Variants in ACCSL observed in about 807,000 individuals in gnomAD.
ACCSL encodes the protein 1-aminocyclopropane-1-carboxylate synthase homolog (inactive) like.
Under a neutral mutation model 61.7 loss-of-function variants are expected in ACCSL, and 55 were observed. The observed-to-expected ratio is 0.89, with a 90% confidence interval of 0.72 to 1.12. The LOEUF is 1.12. Among genes scored for constraint, ACCSL ranks in the 50% most tolerant of loss-of-function variants. The pLI is 0.00. For missense variants in ACCSL, 632 were observed against 698.0 expected, an observed-to-expected ratio of 0.91 and a Z score of 1.07; for synonymous variants, 258 against 264.3, an observed-to-expected ratio of 0.98 and a Z score of 0.23.
At chr11:43,954,786 C>T in the ACCSL span, among the ~76,000 whole-genome samples, 3 of 151,962 alleles carry the variant, frequency 2.0e-5, no homozygotes, top group African/African-American at 7.2e-5. Context: ...GGTTTCTCCA[C>T]GTTGGTCAGG....
Position 44,052,650 on chromosome 11 carries a change from C to T in ACCSL, c.773-12C>T. On this transcript the variant is annotated splice_polypyrimidine_tract_variant and intron_variant, in intron 5 of 13. Coordinates refer to ENST00000378832, the MANE Select transcript of ACCSL (RefSeq NM_001031854.2). ...ACTTTGGACTGATAGCTCTGTCTCT[C>T]TGTGTTTCCAGAGGCCTTCCTGGTC... The T allele has an allele frequency of 6.2e-7, 1 of 1,611,064 alleles. No homozygotes were observed. Among genetic ancestry groups the T allele is most frequent in the East Asian group, 2.2e-5 (1 of 44,858 alleles).
chr11:44,013,347 T>A, the ACCSL span, among the ~76,000 whole-genome samples: 3 of 152,312 alleles, frequency 2.0e-5, no homozygotes, highest in African/African-American at 7.2e-5. Context: ...TGGCGCAATC[T>A]CGGCTCGCTG....
At chr11:44,001,562 CAG>C in the ACCSL span, among the ~76,000 whole-genome samples, 600 of 152,072 alleles carry the variant, frequency 3.9e-3, 1 homozygote, top group Non-Finnish European at 5.2e-3. Context: ...TTGTCGGGGG[CAG>C]AGTCTGGCCT....
chr11:44,051,224 T>G, intron 3 of ACCSL, 111 bp from the exon 4 acceptor site: 86 of 1,034,186 alleles, frequency 8.3e-5, no homozygotes, highest in Non-Finnish European at 1.2e-4. Context: ...CCCTGTAATA[T>G]GAGGTTGGAC....
the ACCSL span, among the ~76,000 whole-genome samples, chr11:43,998,180 G>A: frequency 3.3e-5 from 5 of 152,162 alleles, no homozygotes; most frequent in African/African-American, 1.2e-4. Context: ...GGTGTGTAAA[G>A]CGTTCAGCCA....
the ACCSL span, among the ~76,000 whole-genome samples, chr11:43,985,627 C>T: frequency 1.0e-2 from 1,518 of 152,326 alleles, 27 homozygotes; most frequent in African/African-American, 0.035. Context: ...AGTCTCTGCC[C>T]TTGAGGGGCA....
the ACCSL span, among the ~76,000 whole-genome samples, chr11:43,933,904 G>A: frequency 6.6e-6 from 1 of 152,144 alleles, no homozygotes; most frequent in Non-Finnish European, 1.5e-5. Flanking sequence ...GACCAGCCCT[G>A]CCATGGCAGC....
intron 3 of ACCSL, among the ~76,000 whole-genome samples, chr11:44,050,868 G>T (rs985975602): frequency 7.0e-6 from 1 of 142,252 alleles, no homozygotes; most frequent in African/African-American, 2.7e-5. Flanking sequence ...TTGAGATGGA[G>T]TCTCACTCTG....
chr11:44,026,791 A>G, the ACCSL span, among the ~76,000 whole-genome samples: 7 of 151,718 alleles, frequency 4.6e-5, no homozygotes, highest in Non-Finnish European at 8.8e-5. Context: ...GTGCAATGGT[A>G]TGATCTCAAC....
At chr11:43,986,975 C>T in the ACCSL span, among the ~76,000 whole-genome samples, 4 of 152,158 alleles carry the variant, frequency 2.6e-5, no homozygotes, top group Admixed American at 6.5e-5. Context: ...CAGTGTGATT[C>T]CAGGACTCTG....
At chr11:43,973,458 CTA>C in the ACCSL span, among the ~76,000 whole-genome samples, 6 of 125,666 alleles carry the variant, frequency 4.8e-5, no homozygotes, top group South Asian at 1.0e-3. Context: ...ATCTATCTAT[CTA>C]TCTCCTGGAA....
the ACCSL span, among the ~76,000 whole-genome samples, chr11:43,954,744 C>T: frequency 6.6e-6 from 1 of 152,036 alleles, no homozygotes; most frequent in Non-Finnish European, 1.5e-5. Context: ...GCCACCACAC[C>T]CGGCTAATTT....
chr11:43,948,232 T>C, the ACCSL span, among the ~76,000 whole-genome samples: 1 of 152,324 alleles, frequency 6.6e-6, no homozygotes, highest in South Asian at 2.1e-4. Context: ...AGGTCAGCTA[T>C]GGACTTCAGC....
the ACCSL span, among the ~76,000 whole-genome samples, chr11:44,036,826 G>A: frequency 6.6e-6 from 1 of 151,902 alleles, no homozygotes; most frequent in South Asian, 2.1e-4. Context: ...GCATGGACGG[G>A]CCAGGGTCTT....
At chr11:43,929,514 C>T in the ACCSL span, among the ~76,000 whole-genome samples, 2 of 152,180 alleles carry the variant, frequency 1.3e-5, no homozygotes, top group Non-Finnish European at 2.9e-5. Flanking sequence ...TCAAGCAATT[C>T]TCCTCCCTCA....
chr11:43,953,790 C>T, the ACCSL span, among the ~76,000 whole-genome samples: 935 of 152,276 alleles, frequency 6.1e-3, 15 homozygotes, highest in African/African-American at 0.021. Flanking sequence ...ATGACTAATT[C>T]ACCCCTTGTT....
the ACCSL span, among the ~76,000 whole-genome samples, chr11:43,971,881 G>C: frequency 6.6e-6 from 1 of 152,140 alleles, no homozygotes; most frequent in Non-Finnish European, 1.5e-5. Context: ...GACCTCACCA[G>C]TGCTCCCTGA....
chr11:43,954,903 T>C, the ACCSL span, among the ~76,000 whole-genome samples: 1 of 152,096 alleles, frequency 6.6e-6, no homozygotes, highest in African/African-American at 2.4e-5. Context: ...TTACTGTACA[T>C]GTGGTGACAA....
At chr11:43,989,514 C>T in the ACCSL span, among the ~76,000 whole-genome samples, 7 of 152,222 alleles carry the variant, frequency 4.6e-5, no homozygotes, top group Admixed American at 3.3e-4. Context: ...TCTCTGCTTA[C>T]AGGACAGGCT....
Sources: gnomAD v4.1 joint callset for allele counts (sites outside exome capture counted in the v4.1 genomes callset) on GRCh38, gnomAD v4.1.1 for gene constraint, MANE v1.5 for transcripts, NCBI Gene and HGNC (gene_info 2026-07-23, HGNC 2026-07-21) for gene names.